Variants in PCBP2 observed in about 807,000 individuals in gnomAD.
PCBP2 encodes poly(rC)-binding protein 2.
Under a neutral mutation model 50.1 loss-of-function variants are expected in PCBP2, and 4 were observed. The observed-to-expected ratio is 0.08, with a 90% CI of 0.04 to 0.18. PCBP2 has a LOEUF of 0.18. Among genes scored for constraint, PCBP2 ranks in the 10% least tolerant of loss-of-function variants. PCBP2 has a pLI of 1.00. For synonymous variants in PCBP2, 179 were observed against 168.0 expected, an observed-to-expected ratio of 1.07 and a Z score of -0.51; for missense variants, 161 against 474.3, an observed-to-expected ratio of 0.34 and a Z score of 6.14.
chr12:53,475,276 A>G (rs1378122327), intron 14 of PCBP2: 2 of 409,028 alleles, frequency 4.9e-6, no homozygotes, highest in Non-Finnish European at 9.9e-6. Context: ...TTCCTTTGTT[A>G]ACATTGGTGA....
intron 7 of PCBP2, among the ~76,000 whole-genome samples, chr12:53,461,756 CTG>C (rs1565862182): frequency 1.3e-5 from 2 of 152,252 alleles, no homozygotes; most frequent in East Asian, 3.9e-4. Flanking sequence ...GTCACCCAGA[CTG>C]GAGTGCAGTG....
chr12:53,468,917 CT>C (rs5798266), intron 13 of PCBP2, 85 bp downstream of exon 13: 32,567 of 559,620 alleles, frequency 0.058, no homozygotes, highest in South Asian at 0.065. Flanking sequence ...TCCTGCTACC[CT>C]TTTTTTTTTT....
intron 1 of PCBP2, among the ~76,000 whole-genome samples, chr12:53,453,692 AT>A (rs1348822737): frequency 2.0e-5 from 3 of 152,250 alleles, no homozygotes; most frequent in South Asian, 2.1e-4. Context: ...CATTGGGGAC[AT>A]TCTACAACTT....
intron 10 of PCBP2, among the ~76,000 whole-genome samples, chr12:53,466,849 C>G (rs1214488410): frequency 6.6e-6 from 1 of 152,056 alleles, no homozygotes; most frequent in Admixed American, 6.6e-5. Flanking sequence ...TGTGTTTTCC[C>G]TAGCACCACT....
At chr12:53,464,323 T>TCCCTCCCC (rs1361024940) in intron 8 of PCBP2, 1 of 20,520 alleles carries the variant, frequency 4.9e-5, no homozygotes, top group African/African-American at 2.0e-4. Flanking sequence ...CCTCCCTCCC[T>TCCCTCCCC]CCCTCCCCTT....
At chr12:53,457,204 G>C (rs546045974) in intron 5 of PCBP2, among the ~76,000 whole-genome samples, 1 of 151,996 alleles carries the variant, frequency 6.6e-6, no homozygotes, top group African/African-American at 2.4e-5. Flanking sequence ...ATGCCACCCT[G>C]CCTGGATAAT....
rs1941694970 is a variant in PCBP2 at position 53,464,631 on chromosome 12, A to G, written c.580-129A>G. The G allele has an allele frequency of 3.8e-6, 5 of 1,308,326 alleles. No individual in the cohort carries two copies. The Admixed American group carries it at 8.4e-5, about 22-fold the overall frequency. The allele number at this position is 1,308,326 out of a possible 1,614,324, so 81.0% of individuals were successfully genotyped here. ...AATTCACTGATTACAGCTCGTTTCA[A>G]ATTGTGTCTGAGCTCCTTTTTAAAG... On this transcript the variant is annotated intron_variant, in intron 8 of 14. Transcript: ENST00000546463.
intron 8 of PCBP2, among the ~76,000 whole-genome samples, chr12:53,464,215 G>T (rs1261500821): frequency 6.6e-6 from 1 of 152,046 alleles, no homozygotes; most frequent in Non-Finnish European, 1.5e-5. Context: ...CATACTGGGT[G>T]GCAGCAATCC....
At position 53,460,867 on chromosome 12, in the gene PCBP2, A is replaced by AT; in HGVS notation, c.376-147dup. On this transcript the variant is annotated intron_variant, in intron 6 of 14. Transcript: ENST00000546463. The stretch of plus-strand genomic sequence containing the variant: ...AATTCACTAAACAGTCCTATCTGGA[A>AT]TAAGGGAAGAGTGGGACAAAGAACA... 3.8e-6 allele frequency: 3 copies of AT among 780,308 alleles called. No homozygotes were observed. In the South Asian group the frequency reaches 5.3e-5, roughly 14 times the overall value. 48.3% of individuals were successfully genotyped at this position (780,308 alleles called of 1,614,324 possible).
chr12:53,474,839 T>C, intron 14 of PCBP2: 1 of 370,624 alleles, frequency 2.7e-6, no homozygotes, highest in Non-Finnish European at 5.4e-6. Flanking sequence ...ACCCACCCTT[T>C]TTTTTTGTTC....
At chr12:53,479,328 A>G (rs1055776954) in intron 14 of PCBP2, 78 bp from the exon 15 acceptor site, 3 of 1,288,822 alleles carry the variant, frequency 2.3e-6, no homozygotes, top group Non-Finnish European at 3.4e-6. Context: ...TTTACTCTTC[A>G]CATTTCATGA....
At chr12:53,470,364 A>G (rs566328201) in intron 13 of PCBP2, among the ~76,000 whole-genome samples, 11 of 144,250 alleles carry the variant, frequency 7.6e-5, no homozygotes, top group African/African-American at 2.8e-4. Flanking sequence ...GCAACAGACC[A>G]AGACTCCGTC....
intron 6 of PCBP2, 128 bp downstream of exon 6, chr12:53,459,531 T>A: frequency 3.0e-6 from 2 of 668,826 alleles, no homozygotes; most frequent in Non-Finnish European, 4.7e-6. Flanking sequence ...AGGATTACAA[T>A]GTGATTGTAC....
chr12:53,464,631 A>C, intron 8 of PCBP2, 129 bp from the exon 9 acceptor site: 1 of 1,308,326 alleles, frequency 7.6e-7, no homozygotes, highest in Non-Finnish European at 1.0e-6. Context: ...GCTCGTTTCA[A>C]ATTGTGTCTG....
chr12:53,460,046 C>T (rs1162835492), intron 6 of PCBP2: 1 of 235,668 alleles, frequency 4.2e-6, no homozygotes, highest in Non-Finnish European at 9.0e-6. Context: ...CTTGAGCCAG[C>T]ACACTTGCTT....
intron 13 of PCBP2, among the ~76,000 whole-genome samples, chr12:53,470,892 TTCTACCTTTA>T (rs1942184399): frequency 6.6e-6 from 1 of 152,120 alleles, no homozygotes; most frequent in Admixed American, 6.5e-5. Context: ...CAGAATGTAT[TTCTACCTTTA>T]TCTATTTCTA....
intron 14 of PCBP2, among the ~76,000 whole-genome samples, chr12:53,476,856 C>T (rs1488323069): frequency 1.3e-5 from 2 of 152,260 alleles, no homozygotes; most frequent in South Asian, 2.1e-4. Context: ...GGTAAGCTTG[C>T]TCCTCCTGTA....
intron 8 of PCBP2, among the ~76,000 whole-genome samples, chr12:53,464,245 C>T (rs79239362): frequency 0.012 from 1,777 of 151,916 alleles, 23 homozygotes; most frequent in African/African-American, 0.041. Context: ...AAAATTCTTC[C>T]TTCACTTCCT....
At chr12:53,471,160 C>T (rs767355499) in intron 13 of PCBP2, among the ~76,000 whole-genome samples, 2 of 151,622 alleles carry the variant, frequency 1.3e-5, no homozygotes, top group Admixed American at 6.6e-5. Flanking sequence ...TTGGGCATGG[C>T]GGTATACACC....
Sources: gnomAD v4.1 joint callset for allele counts (sites outside exome capture counted in the v4.1 genomes callset) on GRCh38, gnomAD v4.1.1 for gene constraint, MANE v1.5 for transcripts, NCBI Gene and HGNC (gene_info 2026-07-23, HGNC 2026-07-21) for gene names.